The following RXRA variants were observed in gnomAD, a reference collection of about 807,000 sequenced individuals.
The protein encoded by RXRA is retinoid X receptor alpha.
Under a neutral mutation model 44.5 loss-of-function variants are expected in RXRA, and 5 were observed. The ratio of observed to expected loss-of-function variants is 0.11; its 90% CI spans 0.06 to 0.24. The LOEUF is 0.24. Among genes scored for constraint, RXRA ranks in the 10% least tolerant of loss-of-function variants. RXRA has a pLI of 1.00. For synonymous variants in RXRA, 291 were observed against 271.4 expected, an observed-to-expected ratio of 1.07 and a Z score of -0.71; for missense variants, 412 against 646.5, an observed-to-expected ratio of 0.64 and a Z score of 3.93.
At chr9:134,397,653 C>T (rs565702191) in intron 1 of RXRA, among the ~76,000 whole-genome samples, 1 of 152,338 alleles carries the variant, frequency 6.6e-6, no homozygotes, top group Admixed American at 6.5e-5. Flanking sequence ...TCTTCCTGAG[C>T]TCCTCCTCGC....
chr9:134,378,978 C>A (rs909991007), intron 1 of RXRA, among the ~76,000 whole-genome samples: 2 of 152,232 alleles, frequency 1.3e-5, no homozygotes, highest in Non-Finnish European at 2.9e-5. Context: ...TGGGAACACA[C>A]GTCTCTTGCC....
chr9:134,415,990 G>A (rs1279099703), intron 4 of RXRA, among the ~76,000 whole-genome samples: 3 of 152,188 alleles, frequency 2.0e-5, no homozygotes, highest in South Asian at 2.1e-4. Flanking sequence ...CCTGTGGGGC[G>A]GTGTTGGGGT....
chr9:134,368,882 TGA>T (rs1218023819), intron 1 of RXRA, among the ~76,000 whole-genome samples: 6 of 98,230 alleles, frequency 6.1e-5, no homozygotes, highest in Middle Eastern at 5.2e-3. Context: ...GTTATGTGTG[TGA>T]GTGCAGGGGT....
intron 1 of RXRA, among the ~76,000 whole-genome samples, chr9:134,399,520 C>T (rs1422257335): frequency 1.3e-5 from 2 of 152,200 alleles, no homozygotes; most frequent in Non-Finnish European, 2.9e-5. Flanking sequence ...GCCTTCTGCA[C>T]CTGGGGATTC....
At chr9:134,367,622 G>A (rs1044842662) in intron 1 of RXRA, among the ~76,000 whole-genome samples, 3 of 152,344 alleles carry the variant, frequency 2.0e-5, no homozygotes, top group African/African-American at 7.2e-5. Context: ...ACCCTCGCCG[G>A]CTGGGGAGTG....
intron 6 of RXRA, chr9:134,422,968 C>T (rs1831372703): frequency 1.0e-6 from 1 of 985,486 alleles, no homozygotes; most frequent in Non-Finnish European, 1.2e-6. Flanking sequence ...AGCCACTGCA[C>T]AGAAATGCCT....
At chr9:134,358,966 G>T (rs187971922) in intron 1 of RXRA, among the ~76,000 whole-genome samples, 1 of 152,172 alleles carries the variant, frequency 6.6e-6, no homozygotes, top group Non-Finnish European at 1.5e-5. Flanking sequence ...TAAGCGTTGC[G>T]CCCACTCCTA....
rs1831564563 is a variant in RXRA at position 134,433,450 on chromosome 9, G to A, written c.1136-652G>A. ...ACTGGCTGGAGCGGAGGCAGCTGGG[G>A]GAGCCAGGTACGTTGCCAAGGAGCC... On this transcript the variant is annotated intron_variant, in intron 8 of 9. Coordinates refer to ENST00000481739, the MANE Select transcript of RXRA (RefSeq NM_002957.6). The surrounding 1 kb of genome is among the most constrained non-coding windows in gnomAD (Gnocchi z 4.2). Among the ~76,000 whole-genome samples the A allele has an allele frequency of 2.0e-5, 3 of 148,798 alleles. No individual in the cohort carries two copies. The highest frequency in any genetic ancestry group is 2.0e-4 in the Admixed American group (3 of 15,082).
At position 134,426,546 on chromosome 9, in the gene RXRA, G is replaced by T; in HGVS notation, c.911-2562G>T. The T allele has an allele frequency of 2.0e-6, 2 of 985,436 alleles. No homozygotes were observed. The highest frequency in any genetic ancestry group is 2.4e-6 in the Non-Finnish European group (2 of 829,932). The allele number at this position is 985,436 out of a possible 1,614,324, so 61.0% of individuals were successfully genotyped here. On this transcript the variant is annotated intron_variant, in intron 6 of 9. Coordinates refer to ENST00000481739, the MANE Select transcript of RXRA (RefSeq NM_002957.6). This position sits in a 1 kb window ranked among gnomAD's most constrained non-coding sequence, Gnocchi z 4.6. ...CCGCACTGTTCTGTCCGTGTGTCTG[G>T]GCTCCTGACCTGTATCCCGTGCTGA...
intron 1 of RXRA, among the ~76,000 whole-genome samples, chr9:134,355,575 G>A (rs1445928976): frequency 6.6e-6 from 1 of 152,332 alleles, no homozygotes; most frequent in Middle Eastern, 3.4e-3. Flanking sequence ...ACAGTGGAGG[G>A]GTGGGGCAGT....
At chr9:134,397,682 C>T (rs1212396830) in intron 1 of RXRA, among the ~76,000 whole-genome samples, 1 of 152,232 alleles carries the variant, frequency 6.6e-6, no homozygotes, top group Non-Finnish European at 1.5e-5. Flanking sequence ...CGGAGTCACA[C>T]TGATTGCCTG....
chr9:134,432,750 G>A (rs1382494381), intron 8 of RXRA, among the ~76,000 whole-genome samples: 1 of 152,220 alleles, frequency 6.6e-6, no homozygotes, highest in East Asian at 1.9e-4. Flanking sequence ...GAGCACGGTT[G>A]GTCGAGGGTG....
intron 4 of RXRA, among the ~76,000 whole-genome samples, chr9:134,413,252 C>CGTGTGG (rs1039939984): frequency 6.6e-6 from 1 of 151,536 alleles, no homozygotes; most frequent in Non-Finnish European, 1.5e-5. Flanking sequence ...GCAGTGGTCA[C>CGTGTGG]GTGTGGGTGT....
intron 1 of RXRA, among the ~76,000 whole-genome samples, chr9:134,368,888 CAGGG>C (rs1830449130): frequency 1.8e-5 from 1 of 54,428 alleles, no homozygotes; most frequent in Non-Finnish European, 3.5e-5. Context: ...TGTGTGAGTG[CAGGG>C]GTTATGTGTG....
intron 1 of RXRA, among the ~76,000 whole-genome samples, chr9:134,398,124 C>A (rs534476701): frequency 6.6e-6 from 1 of 152,114 alleles, no homozygotes; most frequent in African/African-American, 2.4e-5. Context: ...GAATTACAGG[C>A]GTGCACCACC....
chr9:134,428,082 C>T (rs955565228), intron 6 of RXRA, among the ~76,000 whole-genome samples: 4 of 152,192 alleles, frequency 2.6e-5, no homozygotes, highest in Non-Finnish European at 4.4e-5. Flanking sequence ...CGCGAGGGTC[C>T]CTGTTTCTTC....
chr9:134,395,431 G>A (rs1830863270), intron 1 of RXRA, among the ~76,000 whole-genome samples: 1 of 152,252 alleles, frequency 6.6e-6, no homozygotes, highest in South Asian at 2.1e-4. Context: ...GTTGGGTAGG[G>A]CAGGGCTAGG....
intron 1 of RXRA, among the ~76,000 whole-genome samples, chr9:134,377,368 A>G (rs933316340): frequency 2.0e-5 from 3 of 151,844 alleles, no homozygotes; most frequent in Non-Finnish European, 4.4e-5. Flanking sequence ...GGCCCAGAGC[A>G]TGGGAGGCCT....
At chr9:134,435,068 G>T (rs997901649) in intron 9 of RXRA, among the ~76,000 whole-genome samples, 1 of 152,176 alleles carries the variant, frequency 6.6e-6, no homozygotes, top group African/African-American at 2.4e-5. Flanking sequence ...GGCCCATCTC[G>T]CCAGCTCAGC....
Sources: allele counts gnomAD v4.1 joint callset (sites outside exome capture counted in the v4.1 genomes callset), GRCh38; gene constraint gnomAD v4.1.1; non-coding constraint Gnocchi (gnomAD v3.1); transcripts MANE v1.5; gene names NCBI Gene and HGNC (gene_info 2026-07-23, HGNC 2026-07-21).